RCAN3: variants seen among roughly 807,000 people sequenced by gnomAD.
The protein encoded by RCAN3 is calcipressin-3.
In RCAN3, 19 loss-of-function variants were observed where a neutral mutation model predicts 21.9. The observed-to-expected ratio is 0.87, with a 90% CI of 0.61 to 1.27. RCAN3 has a LOEUF of 1.27. Ranked by LOEUF, RCAN3 falls within the 50% of genes most tolerant of loss-of-function variation. The pLI is 0.00. For synonymous variants in RCAN3, 114 were observed against 112.3 expected (o/e 1.01, Z -0.09); for missense variants, 240 against 300.1 (o/e 0.80, Z 1.48).
chr1:24,504,031 A>T (rs1647265190), intron 1 of RCAN3, among the ~76,000 whole-genome samples: 1 of 152,164 alleles, frequency 6.6e-6, no homozygotes, highest in Non-Finnish European at 1.5e-5. Flanking sequence ...GCATCACACA[A>T]ATGTGTTCTT....
chr1:24,540,233 T>G lies in RCAN3; in HGVS notation c.*4956T>G, dbSNP rs1363678083. ...ATTATAAAAATCATCACGTTCAAAG[T>G]AGAGTTTTTAGCCAAGGTCAAGAAC... On this transcript the variant is annotated 3_prime_UTR_variant, in exon 5 of 5. Transcript: ENST00000374395. 1 of 152,444 alleles carries G rather than the reference T, an allele frequency of 6.6e-6. No homozygotes were observed. The highest frequency in any genetic ancestry group is 1.5e-5 in the Non-Finnish European group (1 of 68,032). 9.4% of individuals were successfully genotyped at this position (152,444 alleles called of 1,614,324 possible).
At chr1:24,529,434 T>C (rs1249068296) in intron 2 of RCAN3, among the ~76,000 whole-genome samples, 1 of 149,848 alleles carries the variant, frequency 6.7e-6, no homozygotes, top group Non-Finnish European at 1.5e-5. Flanking sequence ...TGGTGGTGCC[T>C]GCTACTCAGG....
intron 2 of RCAN3, among the ~76,000 whole-genome samples, chr1:24,517,309 G>A (rs749916794): frequency 1.2e-4 from 18 of 152,006 alleles, no homozygotes; most frequent in Admixed American, 9.2e-4. Context: ...TAGAGATGGG[G>A]TTTCACCACA....
At chr1:24,524,836 T>G (rs201453292) in intron 2 of RCAN3, among the ~76,000 whole-genome samples, 20,841 of 148,880 alleles carry the variant, frequency 0.14, 1,558 homozygotes, top group African/African-American at 0.17. Context: ...TTGTTTTTTT[T>G]TTTTTTTTTT....
rs1375452658 is a variant in RCAN3, at chr1:24,535,846, A to G, written c.*569A>G. 6.6e-6 allele frequency: 1 copy of G among 152,250 alleles called. No homozygotes were observed. The highest frequency in any genetic ancestry group is 2.1e-4 in the South Asian group (1 of 4,836). The allele number at this position is 152,250 out of a possible 1,614,324, so 9.4% of individuals were successfully genotyped here. A position where few individuals can be genotyped will look rare whatever the true frequency, so the allele number is the denominator to read the frequency against. On this transcript the variant is annotated 3_prime_UTR_variant, in exon 5 of 5. Transcript: ENST00000374395. ...ATGGTTCTCAAGTATTTGTTCAATT[A>G]GCTTTGGGGAAGAAATGCCAAATCC...
intron 1 of RCAN3, among the ~76,000 whole-genome samples, chr1:24,504,465 G>GC (rs11438173): frequency 0.48 from 72,432 of 152,032 alleles, 18,780 homozygotes; most frequent in African/African-American, 0.7. Flanking sequence ...ACCGCACCCA[G>GC]CCAAACCTTT....
At position 24,535,265 on chromosome 1, in the gene RCAN3, T is replaced by A. The variant is rs535334211; in HGVS notation, c.714T>A (p.Asp238Glu). 2 of 1,544,670 alleles carry A rather than the reference T, an allele frequency of 1.3e-6. No individual in the cohort carries two copies. Among genetic ancestry groups the A allele is most frequent in the Admixed American group, 2.3e-5 (1 of 44,344 alleles). ...TAALNEPQTF[D>E]CAL The stretch of plus-strand genomic sequence containing the variant: ...CGTTGAATGAGCCCCAGACCTTTGA[T>A]TGCGCGCTGTGAGGCCCTTGGTTGT... Residue 238 changes from aspartate (D) to glutamate (E), a missense_variant, in exon 5 of 5, where the codon GAT (aspartate) becomes GAA (glutamate). Physicochemically the swap from Asp to Glu is conservative, Grantham distance 45 (BLOSUM62 2). Coordinates refer to ENST00000374395, the MANE Select transcript of RCAN3 (RefSeq NM_013441.4).
At chr1:24,521,187 C>G (rs1648774956) in intron 2 of RCAN3, among the ~76,000 whole-genome samples, 1 of 152,122 alleles carries the variant, frequency 6.6e-6, no homozygotes, top group African/African-American at 2.4e-5. Context: ...AACAAAGGTT[C>G]CAAGACTATT....
chr1:24,535,049 T>G, intron 4 of RCAN3, 44 bp from the exon 5 acceptor site: 1 of 1,574,594 alleles, frequency 6.4e-7, no homozygotes, highest in Non-Finnish European at 8.6e-7. Flanking sequence ...TTCTTTTTGC[T>G]GGAAGTGATG....
rs372281234 is a variant in RCAN3, at chr1:24,527,014, A to G, written c.196-4204A>G. On this transcript the variant is annotated intron_variant, in intron 2 of 4. Transcript: ENST00000374395. ...CTACTTTAAAATCCTTACTATATCT[A>G]TATAATATTTTGTTATTTATGTATA... 2.5e-4 allele frequency among the ~76,000 whole-genome samples: 38 copies of G among 152,274 alleles called. No homozygotes were observed. In the South Asian group the frequency reaches 4.3e-3, roughly 17 times the overall value.
intron 2 of RCAN3, among the ~76,000 whole-genome samples, chr1:24,529,302 C>A (rs1397209501): frequency 2.0e-5 from 3 of 151,538 alleles, no homozygotes; most frequent in African/African-American, 7.3e-5. Context: ...CCTGTAATCC[C>A]AGCATTTTGG....
intron 2 of RCAN3, among the ~76,000 whole-genome samples, chr1:24,527,632 T>A (rs1175224454): frequency 3.9e-5 from 6 of 152,144 alleles, no homozygotes; most frequent in Non-Finnish European, 5.9e-5. Context: ...AGTGTATAAT[T>A]TGCACTTCAG....
At position 24,510,524 on chromosome 1, in the gene RCAN3, T is replaced by C. The variant is rs112445746; in HGVS notation, c.-59-3790T>C. ...CCAACCTCCACTAGCTTCAGACTTT[T>C]CTTCTTCAGCTTCCTCAGCTCTCTC... On this transcript the variant is annotated intron_variant, in intron 1 of 4. Coordinates refer to ENST00000374395, the MANE Select transcript of RCAN3 (RefSeq NM_013441.4). Among the ~76,000 whole-genome samples, 698 of 152,348 alleles carry C rather than the reference T, an allele frequency of 4.6e-3. 7 individuals carry two copies. Among genetic ancestry groups the C allele is most frequent in the African/African-American group, 0.015 (618 of 41,580 alleles).
rs1649090275 is a variant in RCAN3 at position 24,524,421 on chromosome 1, A to G, written c.196-6797A>G. Among the ~76,000 whole-genome samples, 4 of 152,208 alleles carry G rather than the reference A, an allele frequency of 2.6e-5. No individual in the cohort carries two copies. The South Asian group carries it at 8.3e-4, about 31-fold the overall frequency. The stretch of plus-strand genomic sequence containing the variant: ...GTTATCAAAGGTTTTTGCATTTTTC[A>G]TATATTCTGCTCCCCTCTAGCACTT... On this transcript the variant is annotated intron_variant, in intron 2 of 4. Transcript: ENST00000374395.
intron 2 of RCAN3, among the ~76,000 whole-genome samples, chr1:24,526,177 G>T (rs554974946): frequency 2.6e-5 from 4 of 152,120 alleles, no homozygotes; most frequent in African/African-American, 9.6e-5. Context: ...CTGCGGCCTC[G>T]AACTCCTGGG....
chr1:24,537,266 C>CTG lies in RCAN3; in HGVS notation c.*1990_*1991insGT, dbSNP rs1302730761. ...AAGCAGTGCAAATTACAGTGCTTTT[C>CTG]TATTTTTTTTTTGAGAGCCTTGAAT... On this transcript the variant is annotated 3_prime_UTR_variant, in exon 5 of 5. Coordinates refer to ENST00000374395, the MANE Select transcript of RCAN3 (RefSeq NM_013441.4). 1 of 148,490 alleles carries CTG rather than the reference C, an allele frequency of 6.7e-6. No homozygotes were observed. The highest frequency in any genetic ancestry group is 1.5e-5 in the Non-Finnish European group (1 of 67,852). 9.2% of individuals were successfully genotyped at this position (148,490 alleles called of 1,614,324 possible). A position where few individuals can be genotyped will look rare whatever the true frequency, so the allele number is the denominator to read the frequency against.
intron 1 of RCAN3, among the ~76,000 whole-genome samples, chr1:24,511,902 A>G (rs548260859): frequency 6.6e-6 from 1 of 152,274 alleles, no homozygotes; most frequent in East Asian, 1.9e-4. Flanking sequence ...TGGAGGCCAA[A>G]CTGCACCTAA....
intron 4 of RCAN3, among the ~76,000 whole-genome samples, chr1:24,534,892 G>A (rs1650101764): frequency 6.6e-6 from 1 of 152,202 alleles, no homozygotes; most frequent in Non-Finnish European, 1.5e-5. Flanking sequence ...CTTCAGTACT[G>A]AAACAACATT....
At chr1:24,527,616 T>C (rs1465380412) in intron 2 of RCAN3, among the ~76,000 whole-genome samples, 1 of 152,150 alleles carries the variant, frequency 6.6e-6, no homozygotes, top group Non-Finnish European at 1.5e-5. Flanking sequence ...AGTTAATAAA[T>C]GAGGGAGTGT....
Sources: allele counts gnomAD v4.1 joint callset (sites outside exome capture counted in the v4.1 genomes callset), GRCh38; gene constraint gnomAD v4.1.1; transcripts MANE v1.5; gene names NCBI Gene and HGNC (gene_info 2026-07-23, HGNC 2026-07-21).